Variants in MAP7 observed in about 807,000 individuals in gnomAD.
The protein encoded by MAP7 is microtubule associated protein 7, also known as ensconsin.
In MAP7, 52 loss-of-function variants were observed where a neutral mutation model predicts 94.8. The ratio of observed to expected loss-of-function variants is 0.55; its 90% CI spans 0.44 to 0.69. The LOEUF (loss-of-function observed/expected upper bound fraction) is 0.69. Ranked by LOEUF, MAP7 falls within the 30% of genes least tolerant of loss-of-function variation. The pLI, the probability that MAP7 is intolerant of heterozygous loss-of-function variation, is 0.00. For synonymous variants in MAP7, 350 were observed against 357.0 expected (o/e 0.98, Z 0.22); for missense variants, 940 against 964.6 (o/e 0.97, Z 0.34).
chr6:136,473,752 C>G (rs556592566), intron 1 of MAP7, among the ~76,000 whole-genome samples: 1 of 152,048 alleles, frequency 6.6e-6, no homozygotes, highest in Non-Finnish European at 1.5e-5. Flanking sequence ...TCTTTGGTTA[C>G]GAACATTTAA....
intron 3 of MAP7, among the ~76,000 whole-genome samples, chr6:136,398,910 C>G (rs966235737): frequency 1.3e-5 from 2 of 152,174 alleles, no homozygotes; most frequent in African/African-American, 4.8e-5. Flanking sequence ...ATTCAGCAAT[C>G]TAGAGTCCAG....
At chr6:136,497,420 C>T (rs1156747167) in intron 1 of MAP7, among the ~76,000 whole-genome samples, 1 of 151,754 alleles carries the variant, frequency 6.6e-6, no homozygotes, top group East Asian at 1.9e-4. Context: ...CCACCAGATG[C>T]AAATGCAATC....
intron 1 of MAP7, among the ~76,000 whole-genome samples, chr6:136,496,415 A>G (rs1333948628): frequency 2.6e-5 from 4 of 151,184 alleles, no homozygotes; most frequent in Non-Finnish European, 5.9e-5. Context: ...TCAACAAACA[A>G]TGGGGAAAAA....
At chr6:136,409,329 C>T (rs1582825668) in intron 3 of MAP7, among the ~76,000 whole-genome samples, 3 of 151,878 alleles carry the variant, frequency 2.0e-5, no homozygotes, top group South Asian at 2.1e-4. Context: ...TGTAGCGCAC[C>T]GTGATCACAC....
At chr6:136,449,176 TC>T (rs1800318640) in intron 1 of MAP7, among the ~76,000 whole-genome samples, 2 of 152,060 alleles carry the variant, frequency 1.3e-5, no homozygotes, top group Admixed American at 6.5e-5. Flanking sequence ...GCGCCTGTAG[TC>T]CCAGCTACTG....
At chr6:136,418,359 C>A (rs1313059741) in intron 2 of MAP7, among the ~76,000 whole-genome samples, 1 of 152,076 alleles carries the variant, frequency 6.6e-6, no homozygotes, top group Non-Finnish European at 1.5e-5. Flanking sequence ...GGGTTATGGG[C>A]GCGCACTACC....
At chr6:136,364,316 C>G (rs1369837167) in intron 10 of MAP7, 10 of 498,950 alleles carry the variant, frequency 2.0e-5, no homozygotes, top group Non-Finnish European at 4.0e-5. Context: ...GGAGCCTCAT[C>G]TGCAATGGAG....
In MAP7 at chr6:136,356,712, C is replaced by A; in HGVS notation, c.1995G>T (p.Gln665His). ...VGSPHVVTSH[Q>H]SKVTVESTPD... ...CTCACCTCTCCACTGTCACTTTTGACTGGTGTGAGGTAACCACATGTGGGC... is the reference window on the plus strand; with the variant it reads ...CTCACCTCTCCACTGTCACTTTTGAATGGTGTGAGGTAACCACATGTGGGC... Residue 665 changes from glutamine (Q) to histidine (H), a missense_variant, in exon 16 of 18, where the codon CAG (glutamine) becomes CAT (histidine). Transcript: ENST00000354570. The A allele has an allele frequency of 6.2e-7, 1 of 1,614,072 alleles. No homozygotes were observed. The highest frequency in any genetic ancestry group is 1.7e-5 in the Admixed American group (1 of 60,016).
At position 136,408,518 on chromosome 6, in the gene MAP7, G is replaced by A. The variant is rs139582284; in HGVS notation, c.244+3102C>T. On this transcript the variant is annotated intron_variant, in intron 3 of 17. Transcript: ENST00000354570. ...CTCTCTACCTTGCTTTTTAAAATAC[G>A]TGGATTAAAACAATCTTTAATGATT... is the stretch of plus-strand genomic sequence containing the variant. 4.0e-3 allele frequency among the ~76,000 whole-genome samples: 604 copies of A among 151,862 alleles called. 4 individuals carry two copies. Among genetic ancestry groups the A allele is most frequent in the African/African-American group, 0.014 (578 of 41,380 alleles).
At chr6:136,364,411 AAG>A in intron 10 of MAP7, 1 of 346,650 alleles carries the variant, frequency 2.9e-6, no homozygotes, top group South Asian at 2.5e-5. Context: ...AAGCAAAGAA[AAG>A]AGAGTCTGAG....
At chr6:136,438,746 C>T (rs1797052325) in intron 1 of MAP7, among the ~76,000 whole-genome samples, 1 of 152,166 alleles carries the variant, frequency 6.6e-6, no homozygotes, top group African/African-American at 2.4e-5. Context: ...ACCAAGACTA[C>T]AGAATTTCTA....
chr6:136,498,187 G>A (rs1016499825), intron 1 of MAP7, among the ~76,000 whole-genome samples: 2 of 151,936 alleles, frequency 1.3e-5, no homozygotes, highest in East Asian at 1.9e-4. Flanking sequence ...AAAGTTTTAG[G>A]GATCCCTCTT....
rs143028749 is a variant in MAP7 at position 136,362,513 on chromosome 6, C to T, written c.1463G>A (p.Arg488Gln). ...EATRLLAEKR[R>Q]LAREQREKEE... is the part of the protein sequence containing the mutation. ...CTTTTCTCTCTGCTCTCGGGCCAGC[C>T]GCCTCTTCTCAGCTAGAAGCCTTGT... is the stretch of plus-strand genomic sequence containing the variant. Residue 488 changes from arginine (R) to glutamine (Q), a missense_variant, in exon 11 of 18, where the codon CGG becomes CAG. Physicochemically the swap from Arg to Gln is conservative, Grantham distance 43. Coordinates refer to ENST00000354570, the MANE Select transcript of MAP7 (RefSeq NM_003980.6). 3.7e-4 allele frequency: 597 copies of T among 1,614,162 alleles called. 1 individual carries two copies. The highest frequency in any genetic ancestry group is 8.2e-4 in the Middle Eastern group (5 of 6,062).
chr6:136,366,491 C>A (rs1206485856), intron 8 of MAP7, 52 bp from the exon 9 acceptor site: 1 of 1,212,264 alleles, frequency 8.2e-7, no homozygotes, highest in East Asian at 2.3e-5. Context: ...GAGGCAAACA[C>A]ACTCACAATA....
At chr6:136,369,674 A>C (rs1174607393) in intron 8 of MAP7, among the ~76,000 whole-genome samples, 1 of 152,244 alleles carries the variant, frequency 6.6e-6, no homozygotes, top group South Asian at 2.1e-4. Context: ...AAACAAGGAC[A>C]TTCTCTTCAA....
At chr6:136,534,750 A>C (rs1205328878) in intron 1 of MAP7, among the ~76,000 whole-genome samples, 1 of 152,188 alleles carries the variant, frequency 6.6e-6, no homozygotes, top group African/African-American at 2.4e-5. Flanking sequence ...TCACCCTTTG[A>C]GAATCAAGTA....
chr6:136,497,659 C>G (rs561626781), intron 1 of MAP7, among the ~76,000 whole-genome samples: 1 of 151,448 alleles, frequency 6.6e-6, no homozygotes, highest in Non-Finnish European at 1.5e-5. Context: ...ATTAGCCAGG[C>G]GTGGTGGCAC....
intron 1 of MAP7, among the ~76,000 whole-genome samples, chr6:136,518,261 G>GATTATA (rs1825428470): frequency 6.6e-6 from 1 of 151,982 alleles, no homozygotes; most frequent in Non-Finnish European, 1.5e-5. Context: ...AATTTTTCTG[G>GATTATA]GTCTATACTC....
chr6:136,405,368 A>C (rs1174546615), intron 3 of MAP7, among the ~76,000 whole-genome samples: 1 of 152,208 alleles, frequency 6.6e-6, no homozygotes, highest in African/African-American at 2.4e-5. Context: ...AATTTGAGTA[A>C]GATGGTAGGA....
Sources: allele counts gnomAD v4.1 joint callset (sites outside exome capture counted in the v4.1 genomes callset), GRCh38; gene constraint gnomAD v4.1.1; transcripts MANE v1.5; gene names NCBI Gene and HGNC (gene_info 2026-07-23, HGNC 2026-07-21).